VWF: variants seen among roughly 807,000 people sequenced by gnomAD.
VWF encodes von Willebrand factor.
In VWF, 176 loss-of-function variants were observed where a neutral mutation model predicts 308.6. That is an observed-to-expected ratio of 0.57 (90% CI 0.50 to 0.65). The LOEUF is 0.65. VWF is among the 30% of genes least tolerant of loss of function. The probability of loss-of-function intolerance (pLI) is 0.00; values close to 1 mark genes in which losing one functional copy is unlikely to be tolerated. For synonymous variants in VWF, 1,385 were observed against 1,443.4 expected (o/e 0.96, Z 0.92); for missense variants, 3,146 against 3,648.2 (o/e 0.86, Z 3.55).
Position 5,983,267 on chromosome 12 carries a change from AAG to A in VWF, c.6977-15_6977-14del. On this transcript the variant is annotated splice_polypyrimidine_tract_variant and intron_variant, in intron 40 of 51. Transcript: ENST00000261405. ...ACTGGGTCACACACTGAGGGCCAGA[AAG>A]AGAGACGTCCATGCAGAGTTCAGAA... is the stretch of plus-strand genomic sequence containing the variant. The A allele has an allele frequency of 6.2e-7, 1 of 1,613,350 alleles. No individual in the cohort carries two copies. The highest frequency in any genetic ancestry group is 1.3e-5 in the African/African-American group (1 of 75,042).
chr12:6,106,875 C>CAAAAAAAAAAAAAA (rs201177758), intron 5 of VWF, among the ~76,000 whole-genome samples: 1 of 34,812 alleles, frequency 2.9e-5, no homozygotes, highest in Non-Finnish European at 6.3e-5. Context: ...AACTCCGACT[C>CAAAAAAAAAAAAAA]AAAAAAAAAA....
At chr12:5,989,191 G>C (rs1943710921) in intron 38 of VWF, among the ~76,000 whole-genome samples, 2 of 152,136 alleles carry the variant, frequency 1.3e-5, no homozygotes, top group Admixed American at 1.3e-4. Flanking sequence ...GCAGGCTCTT[G>C]GTCCCTTCTG....
At chr12:6,064,601 C>G (rs1944691431) in intron 11 of VWF, among the ~76,000 whole-genome samples, 5 of 152,196 alleles carry the variant, frequency 3.3e-5, no homozygotes, top group Admixed American at 3.3e-4. Context: ...ACGCCTTCTC[C>G]CAGCCTGGCC....
At chr12:6,050,430 C>A (rs949158073) in intron 16 of VWF, among the ~76,000 whole-genome samples, 3 of 152,202 alleles carry the variant, frequency 2.0e-5, no homozygotes, top group African/African-American at 7.2e-5. Context: ...AACCCACCCC[C>A]TGAAGTTACT....
At position 6,095,593 on chromosome 12, in the gene VWF, G is replaced by T; in HGVS notation, c.533-9C>A. Reference sequence around the variant, plus strand: ...GTCCGAGGTCAAGGTCCCTGTGGAGGAAAGTTTCAGGAAAGTAATGCTTCA... The same window carrying T: ...GTCCGAGGTCAAGGTCCCTGTGGAGTAAAGTTTCAGGAAAGTAATGCTTCA... On this transcript the variant is annotated splice_polypyrimidine_tract_variant and intron_variant, in intron 5 of 51. Coordinates refer to ENST00000261405, the MANE Select transcript of VWF (RefSeq NM_000552.5). 1.2e-6 allele frequency: 2 copies of T among 1,614,134 alleles called. No individual in the cohort carries two copies. The highest frequency in any genetic ancestry group is 2.2e-5 in the East Asian group (1 of 44,876).
chr12:6,108,332 TATACAC>T (rs1945266714), intron 5 of VWF, among the ~76,000 whole-genome samples: 1 of 49,010 alleles, frequency 2.0e-5, no homozygotes, highest in South Asian at 4.6e-4. Context: ...GAAAGAAATA[TATACAC>T]ACACACACAC....
At chr12:5,980,378 G>A (rs951210607) in intron 42 of VWF, among the ~76,000 whole-genome samples, 1 of 152,050 alleles carries the variant, frequency 6.6e-6, no homozygotes, top group Non-Finnish European at 1.5e-5. Flanking sequence ...GAATCCCCTG[G>A]GTCTAACTTC....
chr12:6,118,241 G>GTT (rs948422544), intron 3 of VWF, among the ~76,000 whole-genome samples: 143 of 152,162 alleles, frequency 9.4e-4, no homozygotes, highest in African/African-American at 3.4e-3. Context: ...ATTAGTATGT[G>GTT]TTGTTTACCA....
chr12:6,080,346 A>G (rs1443582044), intron 6 of VWF, among the ~76,000 whole-genome samples: 18 of 152,352 alleles, frequency 1.2e-4, no homozygotes, highest in Non-Finnish European at 2.9e-5. Flanking sequence ...ACTGGCATTC[A>G]ATCTACCTGA....
chr12:5,969,376 C>G lies in VWF; in HGVS notation c.7564G>C (p.Ala2522Pro). 6.2e-7 allele frequency: 1 copy of G among 1,614,214 alleles called. No individual in the cohort carries two copies. The highest frequency in any genetic ancestry group is 8.5e-7 in the Non-Finnish European group (1 of 1,180,038). ...ATGAGGCAGGGGTTCTCCGGGGAGG[C>G]CCACTGGGAGCCGACCTGCAGGGCA... ...SSWKSVGSQWASPENPCLINE... is the reference protein window; with the variant it reads ...SSWKSVGSQWPSPENPCLINE... Residue 2522 changes from alanine (A) to proline (P), a missense_variant, in exon 45 of 52, where the codon GCC becomes CCC. This residue lies in a region of VWF where 989 missense variants were observed against 1,117.4 expected (regional missense o/e 0.89). Coordinates refer to ENST00000261405, the MANE Select transcript of VWF (RefSeq NM_000552.5).
At position 6,016,240 on chromosome 12, in the gene VWF, T is replaced by A; in HGVS notation, c.5312-8A>T. The A allele has an allele frequency of 1.2e-6, 2 of 1,614,192 alleles. No homozygotes were observed. The highest frequency in any genetic ancestry group is 2.7e-5 in the African/African-American group (2 of 75,062). The stretch of plus-strand genomic sequence containing the variant: ...CAAAGCCCAAGGCATCCCCTGAGGA[T>A]GGAGAACAGATCACGCCAAGTCAGT... On this transcript the variant is annotated splice_region_variant and splice_polypyrimidine_tract_variant and intron_variant, in intron 30 of 51. Transcript: ENST00000261405.
At chr12:5,972,035 T>A (rs991695046) in intron 43 of VWF, among the ~76,000 whole-genome samples, 5 of 152,174 alleles carry the variant, frequency 3.3e-5, no homozygotes, top group African/African-American at 1.2e-4. Context: ...GCCCTTATCA[T>A]GGCCAACTCT....
chr12:6,069,379 C>T (rs1944756818), intron 10 of VWF, among the ~76,000 whole-genome samples: 1 of 152,154 alleles, frequency 6.6e-6, no homozygotes, highest in Non-Finnish European at 1.5e-5. Flanking sequence ...GGGTTGGCTC[C>T]TACCATTTCT....
chr12:5,976,942 C>T (rs923040828), intron 42 of VWF, among the ~76,000 whole-genome samples: 8 of 152,194 alleles, frequency 5.3e-5, no homozygotes, highest in Admixed American at 2.0e-4. Flanking sequence ...TGTTTGATCA[C>T]GGGACTTAAT....
chr12:5,967,606 G>A lies in VWF; in HGVS notation c.7771-4C>T, dbSNP rs764861186. ...CGATCATCACAGTCTTCCCGGGCTG[G>A]AAGCAGAGGCACCAGGGTCAGGCCC... is the stretch of plus-strand genomic sequence containing the variant. On this transcript the variant is annotated splice_region_variant and splice_polypyrimidine_tract_variant and intron_variant, in intron 46 of 51. Coordinates refer to ENST00000261405, the MANE Select transcript of VWF (RefSeq NM_000552.5). 1 of 1,613,072 alleles carries A rather than the reference G, an allele frequency of 6.2e-7. No homozygotes were observed. Among genetic ancestry groups the A allele is most frequent in the East Asian group, 2.2e-5 (1 of 44,872 alleles).
At chr12:6,003,909 G>A (rs1244725487) in intron 34 of VWF, among the ~76,000 whole-genome samples, 1 of 143,106 alleles carries the variant, frequency 7.0e-6, no homozygotes, top group Non-Finnish European at 1.5e-5. Context: ...TCCACCTCCC[G>A]GGTTCACGCC....
intron 47 of VWF, among the ~76,000 whole-genome samples, chr12:5,960,790 T>C (rs760276879): frequency 1.3e-5 from 2 of 152,218 alleles, no homozygotes; most frequent in African/African-American, 2.4e-5. Context: ...AACCAATTCA[T>C]TGTAGAAACT....
Position 6,052,753 on chromosome 12 carries a change from A to C in VWF, c.1976T>G (p.Leu659Arg), listed in dbSNP as rs972259250. 1 of 1,613,622 alleles carries C rather than the reference A, an allele frequency of 6.2e-7. No homozygotes were observed. The highest frequency in any genetic ancestry group is 8.5e-7 in the Non-Finnish European group (1 of 1,179,852). Reference sequence around the variant, plus strand: ...CAGGTTGCAGGGGGTCCCGCACTGCAGGTACACCTGGCCTTTCGGGCAGTT... The same window carrying C: ...CAGGTTGCAGGGGGTCCCGCACTGCCGGTACACCTGGCCTTTCGGGCAGTT... ...ELNCPKGQVY[L>R]QCGTPCNLTC... The change falls in exon 16 of 52, where the codon CTG becomes CGG. Residue 659 changes from leucine to arginine, a missense_variant. Physicochemically the swap from Leu to Arg is moderately radical, Grantham distance 102. Transcript: ENST00000261405.
At chr12:5,960,057 AATAATAT>A (rs1375576427) in intron 47 of VWF, among the ~76,000 whole-genome samples, 1 of 147,934 alleles carries the variant, frequency 6.8e-6, no homozygotes, top group Non-Finnish European at 1.5e-5. Flanking sequence ...TTAATAATAT[AATAATAT>A]ATAATATAAT....
Sources: allele counts gnomAD v4.1 joint callset (sites outside exome capture counted in the v4.1 genomes callset), GRCh38; gene constraint gnomAD v4.1.1; regional missense constraint gnomAD v4.1.1; transcripts MANE v1.5; gene names NCBI Gene and HGNC (gene_info 2026-07-23, HGNC 2026-07-21).